The following MYH9 variants were observed in gnomAD, a reference collection of about 807,000 sequenced individuals.
MYH9 encodes the protein myosin heavy chain 9.
Under a neutral mutation model 241.9 loss-of-function variants are expected in MYH9, and 29 were observed. That is an observed-to-expected ratio of 0.12 (90% CI 0.09 to 0.16). The LOEUF (loss-of-function observed/expected upper bound fraction) is 0.16, where lower values mean the gene tolerates loss of function less well. Among genes scored for constraint, MYH9 ranks in the 10% least tolerant of loss-of-function variants. The pLI is 1.00. For missense variants in MYH9, 1,803 were observed against 2,595.5 expected (o/e 0.69, Z 6.63); for synonymous variants, 1,047 against 1,062.6 (o/e 0.99, Z 0.29).
At chr22:36,290,006 G>A (rs1038670278) in intron 31 of MYH9, among the ~76,000 whole-genome samples, 1 of 152,094 alleles carries the variant, frequency 6.6e-6, no homozygotes. Context: ...GGCCGGATCC[G>A]GCTACCACAG....
rs573527324 is a variant in MYH9, at chr22:36,288,999, G to A, written c.4558-60C>T. ...GACTGGCAGGTACCTGGGTCTGCGC[G>A]ACCCGGAGTCTGTGCACACACCGAC... On this transcript the variant is annotated intron_variant, in intron 32 of 40. Coordinates refer to ENST00000216181, the MANE Select transcript of MYH9 (RefSeq NM_002473.6). This position sits in a 1 kb window ranked among gnomAD's most constrained non-coding sequence, Gnocchi z 4.8. 2.6e-5 allele frequency: 42 copies of A among 1,612,274 alleles called. No individual in the cohort carries two copies. In the East Asian group the frequency reaches 4.2e-4, roughly 16 times the overall value.
At chr22:36,380,255 C>T (rs1254188817) in intron 1 of MYH9, among the ~76,000 whole-genome samples, 3 of 152,178 alleles carry the variant, frequency 2.0e-5, no homozygotes, top group South Asian at 2.1e-4. Context: ...CCATCCAAGG[C>T]GAAAGACAGC....
At position 36,292,143 on chromosome 22, in the gene MYH9, C is replaced by A; in HGVS notation, c.4187G>T (p.Gly1396Val). The A allele has an allele frequency of 3.1e-6, 5 of 1,614,184 alleles. No individual in the cohort carries two copies. Among genetic ancestry groups the A allele is most frequent in the Non-Finnish European group, 4.2e-6 (5 of 1,180,046 alleles). Residue 1396 changes from glycine (G) to valine (V), a missense_variant, in exon 31 of 41, where the codon GGC becomes GTC. By Grantham distance (109) the Gly-to-Val change is moderately radical. This residue lies in a region of MYH9 where 876 missense variants were observed against 1,077.8 expected (regional missense o/e 0.81). Coordinates refer to ENST00000216181, the MANE Select transcript of MYH9 (RefSeq NM_002473.6). ...VKRKLQKDLE[G>V]LSQRHEEKVA... ...CTTCTCCTCGTGCCGCTGGCTCAGG[C>A]CCTCCAGGTCCTTCTGGAGCTTCCT...
Position 36,295,641 on chromosome 22 carries a change from G to A in MYH9, c.3349C>T (p.Gln1117Ter). The change falls in exon 26 of 41, where the codon CAG becomes TAG. Residue 1117 changes from glutamine (Q) to a stop codon, truncating the protein, a stop_gained. Transcript: ENST00000216181. LOFTEE classifies it high-confidence loss of function. The surrounding 1 kb of genome is among the most constrained non-coding windows in gnomAD (Gnocchi z 4.1). ...RELESQISEL[Q>*]EDLESERASR... ...GCACGCTCAGACTCCAGGTCTTCCT[G>A]GAGTTCAGAGATCTGAGATTCCAGC... is the stretch of plus-strand genomic sequence containing the variant. The A allele has an allele frequency of 6.2e-7, 1 of 1,613,934 alleles. No individual in the cohort carries two copies. Among genetic ancestry groups the A allele is most frequent in the Non-Finnish European group, 8.5e-7 (1 of 1,180,022 alleles).
chr22:36,281,494 AGTTT>A lies in MYH9; in HGVS notation c.*1170_*1173del, dbSNP rs1307335024. ...CTTTTATATCACTTCATGATTTGAG[AGTTT>A]GTTTCCTTTAAAAAAAAAAAATGCC... On this transcript the variant is annotated 3_prime_UTR_variant, in exon 41 of 41. Transcript: ENST00000216181. 4 of 225,516 alleles carry A rather than the reference AGTTT, an allele frequency of 1.8e-5. No individual in the cohort carries two copies. The highest frequency in any genetic ancestry group is 6.9e-5 in the African/African-American group (3 of 43,200). 14.0% of individuals were successfully genotyped at this position (225,516 alleles called of 1,614,324 possible).
At chr22:36,357,661 C>T (rs1488855351) in intron 1 of MYH9, among the ~76,000 whole-genome samples, 3 of 152,114 alleles carry the variant, frequency 2.0e-5, no homozygotes, top group South Asian at 2.1e-4. Context: ...ACCTCTCAGT[C>T]GTCATCCTCC....
chr22:36,325,397 C>T (rs759672469), intron 5 of MYH9, among the ~76,000 whole-genome samples: 11 of 152,322 alleles, frequency 7.2e-5, no homozygotes, highest in East Asian at 1.9e-4. Context: ...AGGCCGCACA[C>T]GGCACGCCAG....
rs1171234327 is a variant in MYH9 at position 36,330,037 on chromosome 22, C to T, written c.491-2549G>A. On this transcript the variant is annotated intron_variant, in intron 3 of 40. Coordinates refer to ENST00000216181, the MANE Select transcript of MYH9 (RefSeq NM_002473.6). The surrounding 1 kb of genome is among the most constrained non-coding windows in gnomAD (Gnocchi z 4.5). ...TGTGAACATACATGTATGTACATAG[C>T]CATGCACACACACGGATGTATGCAC... 1.3e-5 allele frequency among the ~76,000 whole-genome samples: 2 copies of T among 152,172 alleles called. No homozygotes were observed. Among genetic ancestry groups the T allele is most frequent in the Non-Finnish European group, 2.9e-5 (2 of 68,028 alleles).
chr22:36,295,110 G>C lies in MYH9; in HGVS notation c.3486-34C>G. The C allele has an allele frequency of 6.2e-7, 1 of 1,613,928 alleles. No individual in the cohort carries two copies. Among genetic ancestry groups the C allele is most frequent in the East Asian group, 2.2e-5 (1 of 44,882 alleles). ...AGAAATCCCCTCAGAGTGGAGGCCGGGGATGCTGGAGCGAGGCTGTCCCTG... is the reference window on the plus strand; with the variant it reads ...AGAAATCCCCTCAGAGTGGAGGCCGCGGATGCTGGAGCGAGGCTGTCCCTG... On this transcript the variant is annotated intron_variant, in intron 26 of 40. Transcript: ENST00000216181. The surrounding 1 kb of genome is among the most constrained non-coding windows in gnomAD (Gnocchi z 4.1).
At chr22:36,358,168 A>C (rs2017885652) in intron 1 of MYH9, among the ~76,000 whole-genome samples, 1 of 152,076 alleles carries the variant, frequency 6.6e-6, no homozygotes, top group Non-Finnish European at 1.5e-5. Context: ...CGGTTCAAGC[A>C]ATTCTCCTGC....
At chr22:36,349,297 G>A (rs2017730924) in intron 1 of MYH9, 42 bp from the exon 2 acceptor site, 16 of 1,450,578 alleles carry the variant, frequency 1.1e-5, no homozygotes, top group Middle Eastern at 3.5e-4. Flanking sequence ...ATACAACTAC[G>A]TCAGCCACAC....
In MYH9 at chr22:36,317,908, G is replaced by A. The variant is rs1458373137; in HGVS notation, c.1227+299C>T. Reference sequence around the variant, plus strand: ...AAGTTCCTGCTTTTATACCAGACAGGACATGCCTATATCCTTGATGACCAA... The same window carrying A: ...AAGTTCCTGCTTTTATACCAGACAGAACATGCCTATATCCTTGATGACCAA... On this transcript the variant is annotated intron_variant, in intron 11 of 40. Transcript: ENST00000216181. Among the ~76,000 whole-genome samples the A allele has an allele frequency of 2.0e-5, 3 of 152,250 alleles. No homozygotes were observed. The South Asian group carries it at 6.2e-4, about 31-fold the overall frequency.
chr22:36,329,746 C>T lies in MYH9; in HGVS notation c.491-2258G>A, dbSNP rs1189237345. On this transcript the variant is annotated intron_variant, in intron 3 of 40. Coordinates refer to ENST00000216181, the MANE Select transcript of MYH9 (RefSeq NM_002473.6). The surrounding 1 kb of genome is among the most constrained non-coding windows in gnomAD (Gnocchi z 4.1). ...AACAACAGGAAGCAGAGCCCCCAAA[C>T]ACACTCGAGGGCATGCACACAGAGG... Among the ~76,000 whole-genome samples the T allele has an allele frequency of 6.6e-6, 1 of 152,208 alleles. No individual in the cohort carries two copies. The highest frequency in any genetic ancestry group is 1.5e-5 in the Non-Finnish European group (1 of 68,046).
intron 6 of MYH9, among the ~76,000 whole-genome samples, chr22:36,322,099 GA>G (rs2017263016): frequency 6.6e-6 from 1 of 152,254 alleles, no homozygotes; most frequent in Non-Finnish European, 1.5e-5. Flanking sequence ...CAGTTATGTG[GA>G]AGTGTTCCTC....
intron 14 of MYH9, 77 bp downstream of exon 14, chr22:36,311,972 G>A (rs910001032): frequency 1.9e-6 from 3 of 1,587,564 alleles, no homozygotes; most frequent in Admixed American, 1.7e-5. Context: ...CAGCTGCCCG[G>A]CTCCTGGTCC....
intron 15 of MYH9, among the ~76,000 whole-genome samples, chr22:36,307,075 C>T (rs1383104090): frequency 1.3e-5 from 2 of 152,126 alleles, no homozygotes; most frequent in African/African-American, 2.4e-5. Context: ...TAAGAGCACT[C>T]GGCTGGGAGT....
Position 36,320,600 on chromosome 22 carries a change from C to T in MYH9, c.868+198G>A, listed in dbSNP as rs2017234572. Among the ~76,000 whole-genome samples, 2 of 152,220 alleles carry T rather than the reference C, an allele frequency of 1.3e-5. No homozygotes were observed. Among genetic ancestry groups the T allele is most frequent in the African/African-American group, 4.8e-5 (2 of 41,456 alleles). Reference sequence around the variant, plus strand: ...GATTTGCAGCTACATGTGCAACCCACCCTAGCTTTTCTCTGGCATGGTCAG... The same window carrying T: ...GATTTGCAGCTACATGTGCAACCCATCCTAGCTTTTCTCTGGCATGGTCAG... On this transcript the variant is annotated intron_variant, in intron 8 of 40. Transcript: ENST00000216181. This position sits in a 1 kb window ranked among gnomAD's most constrained non-coding sequence, Gnocchi z 4.8.
chr22:36,306,456 G>A lies in MYH9; in HGVS notation c.1995C>T (p.Asn665=), dbSNP rs1048420595. The A allele has an allele frequency of 6.2e-7, 1 of 1,614,154 alleles. No homozygotes were observed. The highest frequency in any genetic ancestry group is 8.5e-7 in the Non-Finnish European group (1 of 1,180,038). Residue 665 remains asparagine (N), a synonymous_variant, in exon 16 of 41, where the codon AAC becomes AAT. Coordinates refer to ENST00000216181, the MANE Select transcript of MYH9 (RefSeq NM_002473.6). The surrounding 1 kb of genome is among the most constrained non-coding windows in gnomAD (Gnocchi z 4.1). The part of the protein sequence containing the change: ...AKLMATLRNT[N]PNFVRCIIPN... ...GGATGATGCAGCGGACAAAGTTGGGGTTCGTGTTCCTCAGCGTAGCCATCA... is the reference window on the plus strand; with the variant it reads ...GGATGATGCAGCGGACAAAGTTGGGATTCGTGTTCCTCAGCGTAGCCATCA...
At chr22:36,322,289 G>C in intron 6 of MYH9, 140 bp downstream of exon 6, 1 of 949,178 alleles carries the variant, frequency 1.1e-6, no homozygotes, top group Non-Finnish European at 1.7e-6. Flanking sequence ...GTCTGGCCTA[G>C]TCCACACGAC....
Sources: allele counts gnomAD v4.1 joint callset (sites outside exome capture counted in the v4.1 genomes callset), GRCh38; gene constraint gnomAD v4.1.1; regional missense constraint gnomAD v4.1.1; non-coding constraint Gnocchi (gnomAD v3.1); transcripts MANE v1.5; gene names NCBI Gene and HGNC (gene_info 2026-07-23, HGNC 2026-07-21).